Variants in EDA observed in about 807,000 individuals in gnomAD.
The protein encoded by EDA is ectodysplasin A, also known as ectodysplasin-A.
In EDA, 2 loss-of-function variants were observed where a neutral mutation model predicts 23.6. The observed-to-expected ratio is 0.08, with a 90% confidence interval of 0.03 to 0.27. The LOEUF (loss-of-function observed/expected upper bound fraction) is 0.27, where lower values mean the gene tolerates loss of function less well. Among genes scored for constraint, EDA ranks in the 10% least tolerant of loss-of-function variants. EDA has a pLI of 1.00. For missense variants in EDA, 229 were observed against 324.2 expected, an observed-to-expected ratio of 0.71 and a Z score of 2.26; for synonymous variants, 131 against 132.0, an observed-to-expected ratio of 0.99 and a Z score of 0.05.
chrX:69,728,472 G>A (rs2012895411), intron 1 of EDA, among the ~76,000 whole-genome samples: 2 of 111,937 alleles, frequency 1.8e-5, no homozygotes, highest in South Asian at 7.5e-4. Flanking sequence ...ATATGTGCAA[G>A]GGCACAGAGT....
intron 1 of EDA, among the ~76,000 whole-genome samples, chrX:69,655,490 A>C (rs1397566177): frequency 9.8e-6 from 1 of 101,760 alleles, no homozygotes; most frequent in African/African-American, 3.7e-5. Context: ...AGAAGGTATC[A>C]TTACCTTCTT....
intron 1 of EDA, among the ~76,000 whole-genome samples, chrX:69,824,230 T>G (rs1448821095): frequency 1.8e-5 from 2 of 111,107 alleles, no homozygotes; most frequent in Non-Finnish European, 3.8e-5. Context: ...TCCAATTCTG[T>G]GAAGAAAGTC....
intron 1 of EDA, among the ~76,000 whole-genome samples, chrX:69,908,413 C>T (rs2018209869): frequency 9.1e-6 from 1 of 109,501 alleles, no homozygotes; most frequent in African/African-American, 3.3e-5. Flanking sequence ...GAGTAGCTTA[C>T]CATAGAGCTC....
In EDA at chrX:69,868,320, A is replaced by G. The variant is rs763211691; in HGVS notation, c.397-88707A>G. ...TAAATAGGCCAGTGTAATACACTCAAATGAGGAATGTGTTGCCTCCAAAAT... is the reference window on the plus strand; with the variant it reads ...TAAATAGGCCAGTGTAATACACTCAGATGAGGAATGTGTTGCCTCCAAAAT... On this transcript the variant is annotated intron_variant, in intron 1 of 7. Transcript: ENST00000374552. Among the ~76,000 whole-genome samples, 3 of 112,109 alleles carry G rather than the reference A, an allele frequency of 2.7e-5. No homozygotes were observed. The South Asian group carries it at 1.1e-3, about 42-fold the overall frequency.
At chrX:69,622,100 A>G (rs1374623440) in intron 1 of EDA, among the ~76,000 whole-genome samples, 1 of 111,442 alleles carries the variant, frequency 9.0e-6, no homozygotes, top group African/African-American at 3.3e-5. Context: ...GCTCGAATAT[A>G]CCACAGTCTA....
intron 1 of EDA, among the ~76,000 whole-genome samples, chrX:69,933,187 TA>T: frequency 8.9e-6 from 1 of 112,038 alleles, no homozygotes; most frequent in Non-Finnish European, 1.9e-5. Flanking sequence ...CCTGTGCTTT[TA>T]TATATTGGTT....
intron 1 of EDA, among the ~76,000 whole-genome samples, chrX:69,709,598 T>C (rs932747383): frequency 2.7e-5 from 3 of 111,523 alleles, no homozygotes; most frequent in Non-Finnish European, 3.8e-5. Flanking sequence ...GGTGAACGAG[T>C]TTTTTTCCTA....
intron 1 of EDA, among the ~76,000 whole-genome samples, chrX:69,929,706 TTG>T (rs4007701): frequency 0.2 from 17,112 of 83,888 alleles, 1,750 homozygotes; most frequent in African/African-American, 0.26. Context: ...CATTCTATTT[TTG>T]TGTGTGTGTG....
rs1463694765 is a variant in EDA, at chrX:70,038,788, G to T, written c.*3179G>T. 2 of 112,278 alleles carry T rather than the reference G, an allele frequency of 1.8e-5. No homozygotes were observed. The highest frequency in any genetic ancestry group is 3.8e-5 in the Non-Finnish European group (2 of 53,213). 9.3% of individuals were successfully genotyped at this position (112,278 alleles called of 1,213,427 possible). A position where few individuals can be genotyped will look rare whatever the true frequency, so the allele number is the denominator to read the frequency against. On this transcript the variant is annotated 3_prime_UTR_variant, in exon 8 of 8. Transcript: ENST00000374552. ...ATTCAGAGAAATTTAGAGCTAAAAA[G>T]GCCCTTAGAGGGAATCTAGCCCAAC...
chrX:69,733,911 T>G (rs2013147858), intron 1 of EDA, among the ~76,000 whole-genome samples: 1 of 92,317 alleles, frequency 1.1e-5, no homozygotes, highest in Admixed American at 1.1e-4. Flanking sequence ...TTTGTTGTAA[T>G]ATTTTTGCTT....
intron 2 of EDA, among the ~76,000 whole-genome samples, chrX:70,018,171 T>C (rs750575400): frequency 6.3e-4 from 70 of 111,693 alleles, no homozygotes; most frequent in African/African-American, 2.2e-3. Context: ...CACTGAGAAT[T>C]ACAAAGCACT....
chrX:70,005,985 A>G (rs1284485229), intron 2 of EDA, among the ~76,000 whole-genome samples: 1 of 111,810 alleles, frequency 8.9e-6, no homozygotes, highest in Admixed American at 9.5e-5. Flanking sequence ...AGCATTTTCA[A>G]ACTGACTTCT....
rs192863659 is a variant in EDA at position 69,652,414 on chromosome X, G to A, written c.396+35710G>A. On this transcript the variant is annotated intron_variant, in intron 1 of 7. Coordinates refer to ENST00000374552, the MANE Select transcript of EDA (RefSeq NM_001399.5). The stretch of plus-strand genomic sequence containing the variant: ...TTGAAAGATAGAAATTATAATACTC[G>A]GTATTGACTGGGGATAAGGGAAAAT... Among the ~76,000 whole-genome samples, 214 of 111,455 alleles carry A rather than the reference G, an allele frequency of 1.9e-3. 1 individual carries two copies. The highest frequency in any genetic ancestry group is 3.2e-3 in the Non-Finnish European group (169 of 53,048).
chrX:69,960,013 G>A (rs1355729165), intron 2 of EDA, among the ~76,000 whole-genome samples: 1 of 111,721 alleles, frequency 9.0e-6, no homozygotes, highest in Non-Finnish European at 1.9e-5. Flanking sequence ...AGCCTTGTTG[G>A]CCAAGGTAAG....
At chrX:69,652,707 G>C (rs748205319) in intron 1 of EDA, among the ~76,000 whole-genome samples, 1 of 111,898 alleles carries the variant, frequency 8.9e-6, no homozygotes, top group African/African-American at 3.2e-5. Context: ...CAACTATCTT[G>C]TTGAGTTACT....
chrX:69,987,259 A>C (rs1338920318), intron 2 of EDA, among the ~76,000 whole-genome samples: 2 of 101,271 alleles, frequency 2.0e-5, no homozygotes, highest in African/African-American at 7.5e-5. Context: ...ATGTACCCTA[A>C]AACTTAAAGT....
At chrX:69,778,770 G>A (rs2014858744) in intron 1 of EDA, among the ~76,000 whole-genome samples, 1 of 111,365 alleles carries the variant, frequency 9.0e-6, no homozygotes. Context: ...ATGAAATTGA[G>A]CAAACCAGTA....
intron 1 of EDA, chrX:69,616,923 A>G: frequency 2.1e-6 from 1 of 471,740 alleles, no homozygotes; most frequent in Non-Finnish European, 3.6e-6. Context: ...TGACTTGGAA[A>G]GTCTCGCGCG....
chrX:69,687,565 G>A (rs1168775314), intron 1 of EDA: 1 of 111,708 alleles, frequency 9.0e-6, no homozygotes, highest in Non-Finnish European at 1.9e-5. Flanking sequence ...ATGCTGCAAA[G>A]TTTAATGTCC....
Sources: allele counts gnomAD v4.1 joint callset (sites outside exome capture counted in the v4.1 genomes callset), GRCh38; gene constraint gnomAD v4.1.1; transcripts MANE v1.5; gene names NCBI Gene and HGNC (gene_info 2026-07-23, HGNC 2026-07-21).